Variants in USP14 observed in about 807,000 individuals in gnomAD.
The protein encoded by USP14 is ubiquitin specific peptidase 14.
Under a neutral mutation model 76.5 loss-of-function variants are expected in USP14, and 38 were observed. That is an observed-to-expected ratio of 0.50 (90% CI 0.38 to 0.65). USP14 has a LOEUF of 0.65. Among genes scored for constraint, USP14 ranks in the 30% least tolerant of loss-of-function variants. USP14 has a pLI of 0.00. For synonymous variants in USP14, 192 were observed against 191.7 expected, an observed-to-expected ratio of 1.00 and a Z score of -0.01; for missense variants, 467 against 586.5, an observed-to-expected ratio of 0.80 and a Z score of 2.10.
intron 3 of USP14, among the ~76,000 whole-genome samples, chr18:178,004 GTGTTTGTT>G (rs202201124): frequency 2.1e-4 from 32 of 151,612 alleles, no homozygotes; most frequent in South Asian, 1.0e-3. Context: ...AATTTTATTA[GTGTTTGTT>G]TGTTTGTTTG....
At chr18:198,795 T>C (rs558939531) in intron 9 of USP14, among the ~76,000 whole-genome samples, 30 of 152,230 alleles carry the variant, frequency 2.0e-4, no homozygotes, top group African/African-American at 7.2e-4. Context: ...AATTTTTTAA[T>C]TTTATAAAAG....
intron 5 of USP14, among the ~76,000 whole-genome samples, chr18:192,021 A>G (rs554044582): frequency 7.4e-6 from 1 of 135,570 alleles, no homozygotes; most frequent in Non-Finnish European, 1.5e-5. Flanking sequence ...TTAAGTGAGG[A>G]TCATAAAGCT....
chr18:158,983 T>G, intron 1 of USP14: 2 of 386,474 alleles, frequency 5.2e-6, no homozygotes, highest in Non-Finnish European at 8.9e-6. Flanking sequence ...CTCTGCAGAA[T>G]AGTTTCTGAC....
chr18:175,625 T>A (rs1031505909), intron 3 of USP14, among the ~76,000 whole-genome samples: 1 of 152,162 alleles, frequency 6.6e-6, no homozygotes, highest in Non-Finnish European at 1.5e-5. Flanking sequence ...TTTGTTAAGG[T>A]TTTTTGTGTC....
Position 214,504 on chromosome 18 carries a change from G to A in USP14, c.*3220G>A. ...GTGTTCTATTGTTCTCAGAGCACCA[G>A]CCGACTGTACAACAATTGTTATAAA... On this transcript the variant is annotated 3_prime_UTR_variant, in exon 16 of 16. Transcript: ENST00000261601. 2.5e-6 allele frequency: 2 copies of A among 802,992 alleles called. No homozygotes were observed. The highest frequency in any genetic ancestry group is 3.8e-5 in the South Asian group (2 of 53,114). The allele number at this position is 802,992 out of a possible 1,614,324, so 49.7% of individuals were successfully genotyped here.
At chr18:179,128 G>A (rs1909710243) in intron 4 of USP14, 91 bp downstream of exon 4, 2 of 834,302 alleles carry the variant, frequency 2.4e-6, no homozygotes, top group Non-Finnish European at 3.7e-6. Context: ...TGAATGTCTT[G>A]AAGACTTAAT....
intron 5 of USP14, among the ~76,000 whole-genome samples, chr18:189,627 C>T (rs1010927393): frequency 2.6e-5 from 4 of 152,104 alleles, no homozygotes; most frequent in South Asian, 4.2e-4. Flanking sequence ...GGACTACAGG[C>T]GCGTGTCACA....
rs558338671 is a variant in USP14 at position 163,464 on chromosome 18, G to T, written c.162+11G>T. On this transcript the variant is annotated intron_variant, in intron 2 of 15. Transcript: ENST00000261601. ...GGAGGAACGCTAAAGGTAAAATGTA[G>T]TCCAAATTTTCATCACATTACTATT... 3.7e-5 allele frequency: 59 copies of T among 1,595,970 alleles called. 1 individual carries two copies. The South Asian group carries it at 6.0e-4, about 16-fold the overall frequency.
rs749433690 is a variant in USP14 at position 214,005 on chromosome 18, A to ATTGAT, written c.*2723_*2727dup. 4.7e-5 allele frequency: 7 copies of ATTGAT among 149,286 alleles called. No homozygotes were observed. In the Admixed American group the frequency reaches 4.8e-4, roughly 10 times the overall value. 9.2% of individuals were successfully genotyped at this position (149,286 alleles called of 1,614,324 possible). On this transcript the variant is annotated 3_prime_UTR_variant, in exon 16 of 16. Transcript: ENST00000261601. ...TAGATAGATAGATAGATAGATGATG[A>ATTGAT]TTGATTGATGATTGATAGTAAATTA... is the stretch of plus-strand genomic sequence containing the variant.
rs2143119290 is a variant in USP14, at chr18:213,984, T to TA, written c.*2701dup. On this transcript the variant is annotated 3_prime_UTR_variant, in exon 16 of 16. Transcript: ENST00000261601. ...GGACAAGATAGATAGATTAGATAGATAGATAGATAGATAGATGATGATTGA... is the reference window on the plus strand; with the variant it reads ...GGACAAGATAGATAGATTAGATAGATAAGATAGATAGATAGATGATGATTGA... 1 of 150,626 alleles carries TA rather than the reference T, an allele frequency of 6.6e-6. No homozygotes were observed. The highest frequency in any genetic ancestry group is 2.0e-4 in the East Asian group (1 of 4,932). 9.3% of individuals were successfully genotyped at this position (150,626 alleles called of 1,614,324 possible). A position where few individuals can be genotyped will look rare whatever the true frequency, so the allele number is the denominator to read the frequency against.
Position 203,170 on chromosome 18 carries a change from G to A in USP14, c.1015G>A (p.Val339Met). The A allele has an allele frequency of 1.9e-6, 3 of 1,613,922 alleles. No homozygotes were observed. The highest frequency in any genetic ancestry group is 2.5e-6 in the Non-Finnish European group (3 of 1,179,958). Reference protein sequence around the residue: ...VRFFYKEKESVNAKVLKDVKF... With the variant: ...VRFFYKEKESMNAKVLKDVKF... ...ATTTTTTTATAAAGAGAAGGAATCT[G>A]TGAATGCCAAAGTTCTTAAGGTTAG... Residue 339 changes from valine to methionine, a missense_variant, in exon 12 of 16, where the codon GTG (valine) becomes ATG (methionine). By Grantham distance (21) the Val-to-Met change is conservative. Transcript: ENST00000261601.
At position 214,026 on chromosome 18, in the gene USP14, A is replaced by C. The variant is rs965377930; in HGVS notation, c.*2742A>C. ...GATGATTGATTGATGATTGATAGTA[A>C]ATTATTTCAGGCTTTGCAGGCTATA... On this transcript the variant is annotated 3_prime_UTR_variant, in exon 16 of 16. Coordinates refer to ENST00000261601, the MANE Select transcript of USP14 (RefSeq NM_005151.4). The C allele has an allele frequency of 6.7e-6, 1 of 149,508 alleles. No individual in the cohort carries two copies. The highest frequency in any genetic ancestry group is 2.4e-5 in the African/African-American group (1 of 41,102). 9.3% of individuals were successfully genotyped at this position (149,508 alleles called of 1,614,324 possible).
At chr18:180,380 T>G (rs376490355) in intron 5 of USP14, 41 bp downstream of exon 5, 2 of 1,212,900 alleles carry the variant, frequency 1.6e-6, no homozygotes, top group Non-Finnish European at 2.4e-6. Context: ...TGTTCACATT[T>G]GGATGAGTAG....
rs923749926 is a variant in USP14 at position 204,661 on chromosome 18, A to G, written c.1133A>G (p.Glu378Gly). The G allele has an allele frequency of 1.9e-6, 3 of 1,613,240 alleles. No individual in the cohort carries two copies. In the African/African-American group the frequency reaches 4.0e-5, roughly 22 times the overall value. The change falls in exon 13 of 16, where the codon GAA (glutamate) becomes GGA (glycine). Residue 378 changes from glutamate to glycine, a missense_variant. Physicochemically the swap from Glu to Gly is moderately conservative, Grantham distance 98. Coordinates refer to ENST00000261601, the MANE Select transcript of USP14 (RefSeq NM_005151.4). The stretch of plus-strand genomic sequence containing the variant: ...TTTCGATCCAAATTCAAGGATCTAG[A>G]AGATAAAAAAGTGAATCAGCAGCCA... ...VSFRSKFKDL[E>G]DKKVNQQPNT... is the part of the protein sequence containing the mutation.
chr18:194,490 CT>C (rs1316133443), intron 6 of USP14, among the ~76,000 whole-genome samples: 3 of 152,144 alleles, frequency 2.0e-5, no homozygotes, highest in African/African-American at 7.2e-5. Flanking sequence ...CAGTTACTAA[CT>C]TTTAGTCGCA....
chr18:185,571 TCA>T (rs1283231036), intron 5 of USP14, among the ~76,000 whole-genome samples: 1 of 152,194 alleles, frequency 6.6e-6, no homozygotes, highest in Non-Finnish European at 1.5e-5. Context: ...ATATCTCATC[TCA>T]CAGCTGTCTA....
Position 213,645 on chromosome 18 carries a change from G to A in USP14, c.*2361G>A, listed in dbSNP as rs1011212790. 1.3e-5 allele frequency: 2 copies of A among 152,552 alleles called. No homozygotes were observed. Among genetic ancestry groups the A allele is most frequent in the African/African-American group, 4.8e-5 (2 of 41,416 alleles). The allele number at this position is 152,552 out of a possible 1,614,324, so 9.4% of individuals were successfully genotyped here. On this transcript the variant is annotated 3_prime_UTR_variant, in exon 16 of 16. Coordinates refer to ENST00000261601, the MANE Select transcript of USP14 (RefSeq NM_005151.4). ...CTGACTAGCTAGGTTAGGCCTAAGA[G>A]TGTTTACCGAATAATCTGCACTCAC... is the stretch of plus-strand genomic sequence containing the variant.
chr18:166,759 A>C, intron 2 of USP14, 28 bp from the exon 3 acceptor site: 2 of 1,608,672 alleles, frequency 1.2e-6, no homozygotes, highest in Non-Finnish European at 1.7e-6. Context: ...AGTGGTGGTT[A>C]AATGTCTTTT....
chr18:171,009 T>TAAA (rs145131497), intron 3 of USP14, among the ~76,000 whole-genome samples: 33 of 91,718 alleles, frequency 3.6e-4, no homozygotes, highest in African/African-American at 8.8e-4. Context: ...CCCTGGAACT[T>TAAA]AAAAAAAAAA....
Sources: gnomAD v4.1 joint callset for allele counts (sites outside exome capture counted in the v4.1 genomes callset) on GRCh38, gnomAD v4.1.1 for gene constraint, MANE v1.5 for transcripts, NCBI Gene and HGNC (gene_info 2026-07-23, HGNC 2026-07-21) for gene names.